Variants in TMEM131 observed in about 807,000 individuals in gnomAD.
TMEM131 encodes transmembrane protein 131, also known as 2610524E03Rik.
Under a neutral mutation model 211.6 loss-of-function variants are expected in TMEM131, and 66 were observed. The observed-to-expected ratio is 0.31, with a 90% confidence interval of 0.26 to 0.38. TMEM131 has a LOEUF of 0.38. Among genes scored for constraint, TMEM131 ranks in the 10% least tolerant of loss-of-function variants. TMEM131 has a pLI of 1.00. For synonymous variants in TMEM131, 844 were observed against 841.3 expected (o/e 1.00, Z -0.06); for missense variants, 2,036 against 2,299.3 (o/e 0.89, Z 2.34).
chr2:97,885,594 A>G (rs1573509595), intron 4 of TMEM131, among the ~76,000 whole-genome samples: 1 of 151,956 alleles, frequency 6.6e-6, no homozygotes, highest in African/African-American at 2.4e-5. Context: ...TATTTTTAAT[A>G]TATCATTTCA....
intron 4 of TMEM131, among the ~76,000 whole-genome samples, chr2:97,873,179 C>T (rs761523087): frequency 5.9e-5 from 9 of 152,230 alleles, no homozygotes; most frequent in Non-Finnish European, 1.2e-4. Flanking sequence ...TCAGCACGGC[C>T]GCTGTGGCCA....
rs756939107 is a variant in TMEM131, at chr2:97,805,410, A to T, written c.2250T>A (p.Asp750Glu). The part of the protein sequence containing the change: ...IYFDPGLQCG[D>E]HCYVGLPFLS... Reference sequence around the variant, plus strand: ...GAAAAGGCAAGCCAACATAGCAATGATCCCCACACTGTAGTCCAGGATCAA... The same window carrying T: ...GAAAAGGCAAGCCAACATAGCAATGTTCCCCACACTGTAGTCCAGGATCAA... The change falls in exon 21 of 41, where the codon GAT becomes GAA. Residue 750 changes from aspartate to glutamate, a missense_variant. Around this residue, in one of 3 missense-constraint regions of TMEM131, gnomAD observed 1,623 missense variants for 1,805.9 expected, o/e 0.90. Transcript: ENST00000186436. The T allele has an allele frequency of 6.0e-5, 97 of 1,613,860 alleles. No homozygotes were observed. Among genetic ancestry groups the T allele is most frequent in the Non-Finnish European group, 1.4e-5 (17 of 1,179,862 alleles).
At chr2:97,845,007 T>G (rs1228284747) in intron 5 of TMEM131, among the ~76,000 whole-genome samples, 2 of 152,098 alleles carry the variant, frequency 1.3e-5, no homozygotes, top group South Asian at 2.1e-4. Context: ...TGGCTTCACC[T>G]TAGTCTGAAG....
intron 11 of TMEM131, among the ~76,000 whole-genome samples, chr2:97,822,486 A>T (rs756507817): frequency 5.9e-5 from 9 of 152,104 alleles, no homozygotes; most frequent in Non-Finnish European, 1.0e-4. Context: ...TCTTTATAGG[A>T]TGGGGTAAAG....
intron 4 of TMEM131, among the ~76,000 whole-genome samples, chr2:97,879,524 T>C (rs922056285): frequency 1.3e-5 from 2 of 152,354 alleles, no homozygotes; most frequent in Non-Finnish European, 2.9e-5. Context: ...TCAATAATGG[T>C]ACTGTAGTTA....
chr2:97,792,946 C>T lies in TMEM131; in HGVS notation c.3584G>A (p.Gly1195Glu), dbSNP rs1428865157. 1 of 1,604,546 alleles carries T rather than the reference C, an allele frequency of 6.2e-7. No homozygotes were observed. Among genetic ancestry groups the T allele is most frequent in the Non-Finnish European group, 8.5e-7 (1 of 1,175,862 alleles). ...TGATGAACCGCCTGCTCCACAGAAC[C>T]CCCTACTGTGACCGGGGTCACAGCT... ...TLSCDPGHSR[G>E]FCGAGGSSSR... Residue 1195 changes from glycine (G) to glutamate (E), a missense_variant, in exon 31 of 41, where the codon GGG becomes GAG. Gly to Glu is a moderately conservative substitution (Grantham distance 98). Around this residue, in one of 3 missense-constraint regions of TMEM131, gnomAD observed 1,623 missense variants for 1,805.9 expected, o/e 0.90. Coordinates refer to ENST00000186436, the MANE Select transcript of TMEM131 (RefSeq NM_015348.2).
intron 4 of TMEM131, among the ~76,000 whole-genome samples, chr2:97,875,260 C>A (rs920928827): frequency 2.6e-5 from 4 of 152,016 alleles, no homozygotes; most frequent in Admixed American, 2.6e-4. Flanking sequence ...CCCACACAAT[C>A]TAATAGTGGG....
At chr2:97,912,250 A>G (rs1676320872) in intron 2 of TMEM131, among the ~76,000 whole-genome samples, 1 of 152,224 alleles carries the variant, frequency 6.6e-6, no homozygotes, top group South Asian at 2.1e-4. Flanking sequence ...CAATGTTGTG[A>G]CTGAAATGTA....
At chr2:97,934,326 G>A (rs1677353548) in intron 1 of TMEM131, among the ~76,000 whole-genome samples, 1 of 151,972 alleles carries the variant, frequency 6.6e-6, no homozygotes, top group Non-Finnish European at 1.5e-5. Flanking sequence ...AGCATGCACA[G>A]GACATATGTA....
At chr2:97,782,099 G>A (rs1334992693) in intron 31 of TMEM131, among the ~76,000 whole-genome samples, 2 of 152,214 alleles carry the variant, frequency 1.3e-5, no homozygotes, top group South Asian at 2.1e-4. Context: ...CGCCCTTCCT[G>A]GCCAGGCACT....
intron 1 of TMEM131, among the ~76,000 whole-genome samples, chr2:97,947,977 A>G (rs1678121964): frequency 6.6e-6 from 1 of 152,204 alleles, no homozygotes; most frequent in African/African-American, 2.4e-5. Flanking sequence ...ATGAATAGCC[A>G]CATGGGAAAG....
chr2:97,862,296 T>TA (rs1320032566), intron 4 of TMEM131, among the ~76,000 whole-genome samples: 1 of 152,060 alleles, frequency 6.6e-6, no homozygotes, highest in Admixed American at 6.6e-5. Flanking sequence ...TTAAAATAAA[T>TA]ACCTAACTCT....
rs1395333299 is a variant in TMEM131 at position 97,878,401 on chromosome 2, G to A, written c.359+9651C>T. On this transcript the variant is annotated intron_variant, in intron 4 of 40. Transcript: ENST00000186436. ...TTCTACTATAAAGACACATGCACAC[G>A]TATGTTTACTGTGGCACTATTCACA... Among the ~76,000 whole-genome samples the A allele has an allele frequency of 8.5e-5, 13 of 152,288 alleles. No individual in the cohort carries two copies. The East Asian group carries it at 9.6e-4, about 11-fold the overall frequency.
At chr2:97,958,668 G>A (rs1172756031) in intron 1 of TMEM131, among the ~76,000 whole-genome samples, 5 of 152,230 alleles carry the variant, frequency 3.3e-5, no homozygotes, top group African/African-American at 9.6e-5. Flanking sequence ...GACCAGATTT[G>A]AAGGGGCATA....
At chr2:97,769,900 C>T (rs1018653235) in intron 33 of TMEM131, among the ~76,000 whole-genome samples, 2 of 152,198 alleles carry the variant, frequency 1.3e-5, no homozygotes, top group Admixed American at 6.5e-5. Flanking sequence ...TGCAGCCCCA[C>T]CCTCCTATTT....
In TMEM131 at chr2:97,859,435, A is replaced by G; in HGVS notation, c.360-8T>C. ...TTTGGCATTCCAACTGGTCTGTAAAACAAAAAGAAAATTATCACAAATATT... is the reference window on the plus strand; with the variant it reads ...TTTGGCATTCCAACTGGTCTGTAAAGCAAAAAGAAAATTATCACAAATATT... On this transcript the variant is annotated splice_polypyrimidine_tract_variant and splice_region_variant and intron_variant, in intron 4 of 40. Coordinates refer to ENST00000186436, the MANE Select transcript of TMEM131 (RefSeq NM_015348.2). 6.5e-7 allele frequency: 1 copy of G among 1,537,726 alleles called. No homozygotes were observed. The highest frequency in any genetic ancestry group is 8.7e-7 in the Non-Finnish European group (1 of 1,150,930).
intron 35 of TMEM131, chr2:97,765,190 G>T (rs766995046): frequency 6.6e-6 from 1 of 152,208 alleles, no homozygotes; most frequent in Non-Finnish European, 1.5e-5. Context: ...AGTACTAAAA[G>T]GTGCCAGAAA....
intron 1 of TMEM131, among the ~76,000 whole-genome samples, chr2:97,939,933 C>G (rs984824725): frequency 2.0e-5 from 3 of 152,192 alleles, no homozygotes; most frequent in Non-Finnish European, 2.9e-5. Flanking sequence ...ACATGACTAT[C>G]TCAATAGATG....
intron 3 of TMEM131, among the ~76,000 whole-genome samples, chr2:97,888,613 T>C (rs139254490): frequency 3.9e-5 from 6 of 152,362 alleles, no homozygotes; most frequent in Non-Finnish European, 5.9e-5. Flanking sequence ...GAGTTTGGAA[T>C]ACACTAGAAC....
Sources: gnomAD v4.1 joint callset for allele counts (sites outside exome capture counted in the v4.1 genomes callset) on GRCh38, gnomAD v4.1.1 for gene constraint, gnomAD v4.1.1 regional missense constraint, MANE v1.5 for transcripts, NCBI Gene and HGNC (gene_info 2026-07-23, HGNC 2026-07-21) for gene names.